Variants in REEP3 observed in about 807,000 individuals in gnomAD.
REEP3 encodes receptor expression-enhancing protein 3.
REEP3 carries 20 observed loss-of-function variants against 41.3 expected under a neutral mutation model. That is an observed-to-expected ratio of 0.48 (90% confidence interval 0.34 to 0.70). The LOEUF (loss-of-function observed/expected upper bound fraction) is 0.70. Among genes scored for constraint, REEP3 ranks in the 30% least tolerant of loss-of-function variants. The pLI is 0.01. For missense variants in REEP3, 271 were observed against 308.8 expected, an observed-to-expected ratio of 0.88 and a Z score of 0.92; for synonymous variants, 104 against 101.8, an observed-to-expected ratio of 1.02 and a Z score of -0.13.
At chr10:63,596,912 G>C (rs902461023) in intron 3 of REEP3, among the ~76,000 whole-genome samples, 9 of 152,116 alleles carry the variant, frequency 5.9e-5, no homozygotes, top group Non-Finnish European at 5.9e-5. Context: ...CAAAGTGCTG[G>C]GATTACAGGC....
At chr10:63,578,193 A>G (rs1005991252) in intron 2 of REEP3, among the ~76,000 whole-genome samples, 5 of 152,110 alleles carry the variant, frequency 3.3e-5, no homozygotes, top group African/African-American at 4.8e-5. Context: ...TCCACCTCGC[A>G]GGTTCAAGCG....
At chr10:63,562,188 T>C (rs1229293817) in intron 1 of REEP3, among the ~76,000 whole-genome samples, 1 of 151,506 alleles carries the variant, frequency 6.6e-6, no homozygotes, top group Non-Finnish European at 1.5e-5. Context: ...AAATCCTGTA[T>C]CCAGAGCCTG....
intron 6 of REEP3, 67 bp downstream of exon 6, chr10:63,610,401 G>A (rs1956268672): frequency 1.4e-6 from 2 of 1,452,976 alleles, no homozygotes; most frequent in African/African-American, 1.4e-5. Flanking sequence ...ACATACACTG[G>A]GGCCTGTCGG....
intron 1 of REEP3, 34 bp downstream of exon 1, chr10:63,521,611 C>G: frequency 7.2e-7 from 1 of 1,385,156 alleles, no homozygotes; most frequent in South Asian, 1.6e-5. Flanking sequence ...GCAGCCGGCG[C>G]GAGGCCCAGG....
chr10:63,530,425 A>G (rs1955409621), intron 1 of REEP3, among the ~76,000 whole-genome samples: 1 of 152,242 alleles, frequency 6.6e-6, no homozygotes, highest in Non-Finnish European at 1.5e-5. Flanking sequence ...CTATTAGACA[A>G]TGAGAAATCA....
chr10:63,534,257 T>G (rs1033492400), intron 1 of REEP3, among the ~76,000 whole-genome samples: 7 of 152,076 alleles, frequency 4.6e-5, no homozygotes, highest in African/African-American at 1.4e-4. Context: ...TTTATTTTTT[T>G]TTTGTTTTTT....
At position 63,566,345 on chromosome 10, in the gene REEP3, T is replaced by C; in HGVS notation, c.40T>C (p.Phe14Leu). ...CATTTTTTTTACTTTTAGGCTGGTG[T>C]TTGGAATGCTTTATCCTGCATATTA... is the stretch of plus-strand genomic sequence containing the variant. ...WMISRAVVLV[F>L]GMLYPAYYSY... Residue 14 changes from phenylalanine to leucine, a missense_variant, in exon 2 of 8, where the codon TTT (phenylalanine) becomes CTT (leucine). Physicochemically the swap from Phe to Leu is conservative, Grantham distance 22. Transcript: ENST00000373758. 1 of 1,545,800 alleles carries C rather than the reference T, an allele frequency of 6.5e-7. No homozygotes were observed. Among genetic ancestry groups the C allele is most frequent in the Non-Finnish European group, 8.8e-7 (1 of 1,140,058 alleles).
At chr10:63,616,007 G>A (rs900386148) in intron 6 of REEP3, among the ~76,000 whole-genome samples, 1 of 152,030 alleles carries the variant, frequency 6.6e-6, no homozygotes, top group African/African-American at 2.4e-5. Context: ...TTTCCAAAGC[G>A]CAAGAAGAAT....
At chr10:63,554,101 CAAA>C (rs11298394) in intron 1 of REEP3, among the ~76,000 whole-genome samples, 1 of 110,398 alleles carries the variant, frequency 9.1e-6, no homozygotes. Context: ...GACTCCGTCT[CAAA>C]AAAAAAAAAA....
chr10:63,552,526 T>C (rs980063717), intron 1 of REEP3, among the ~76,000 whole-genome samples: 7 of 152,256 alleles, frequency 4.6e-5, no homozygotes, highest in African/African-American at 1.4e-4. Context: ...TTATTGTTTT[T>C]AATACAGAAT....
chr10:63,557,055 A>G (rs1266263173), intron 1 of REEP3, among the ~76,000 whole-genome samples: 1 of 152,152 alleles, frequency 6.6e-6, no homozygotes, highest in Non-Finnish European at 1.5e-5. Flanking sequence ...TGTCCTCCCA[A>G]TAAAAACATA....
At chr10:63,588,463 A>T (rs1956027953) in intron 2 of REEP3, among the ~76,000 whole-genome samples, 2 of 152,074 alleles carry the variant, frequency 1.3e-5, no homozygotes, top group African/African-American at 4.8e-5. Flanking sequence ...AAGATATCTT[A>T]AAAGATTAAT....
chr10:63,596,562 T>A (rs773721581), intron 3 of REEP3, among the ~76,000 whole-genome samples: 5 of 152,186 alleles, frequency 3.3e-5, no homozygotes, highest in Non-Finnish European at 7.3e-5. Flanking sequence ...TGCTCAGCTA[T>A]CATTTATCCT....
chr10:63,586,367 G>A (rs1336313592), intron 2 of REEP3, among the ~76,000 whole-genome samples: 7 of 152,094 alleles, frequency 4.6e-5, no homozygotes, highest in Non-Finnish European at 8.8e-5. Flanking sequence ...ACTTTATATC[G>A]CAGATGACTC....
At chr10:63,521,607 G>A in intron 1 of REEP3, 30 bp downstream of exon 1, 3 of 1,375,444 alleles carry the variant, frequency 2.2e-6, no homozygotes, top group Non-Finnish European at 1.9e-6. Flanking sequence ...CCCTGCAGCC[G>A]GCGCGAGGCC....
intron 2 of REEP3, among the ~76,000 whole-genome samples, chr10:63,592,472 A>T (rs934450428): frequency 6.6e-6 from 1 of 152,168 alleles, no homozygotes; most frequent in East Asian, 1.9e-4. Flanking sequence ...TGTTTAGTTT[A>T]AAAAAGCATG....
At chr10:63,524,341 G>C (rs1189059082) in intron 1 of REEP3, among the ~76,000 whole-genome samples, 1 of 152,100 alleles carries the variant, frequency 6.6e-6, no homozygotes, top group Non-Finnish European at 1.5e-5. Context: ...GGTAGCATGG[G>C]CAGGGAACCT....
intron 1 of REEP3, among the ~76,000 whole-genome samples, chr10:63,559,805 A>G (rs1198612902): frequency 1.3e-5 from 2 of 152,220 alleles, no homozygotes; most frequent in Non-Finnish European, 2.9e-5. Context: ...GTTGTTAATA[A>G]TCATAGAAAG....
At chr10:63,532,733 A>G (rs1320255024) in intron 1 of REEP3, among the ~76,000 whole-genome samples, 1 of 151,590 alleles carries the variant, frequency 6.6e-6, no homozygotes, top group East Asian at 1.9e-4. Flanking sequence ...CCCTGTCTCT[A>G]CAAAAAGTAC....
Sources: gnomAD v4.1 joint callset for allele counts (sites outside exome capture counted in the v4.1 genomes callset) on GRCh38, gnomAD v4.1.1 for gene constraint, MANE v1.5 for transcripts, NCBI Gene and HGNC (gene_info 2026-07-23, HGNC 2026-07-21) for gene names.